The following RAB3GAP1 variants were observed in gnomAD, a reference collection of about 807,000 sequenced individuals.
The protein encoded by RAB3GAP1 is RAB3 GTPase activating protein catalytic subunit 1.
Under a neutral mutation model 130.7 loss-of-function variants are expected in RAB3GAP1, and 86 were observed. That is an observed-to-expected ratio of 0.66 (90% CI 0.55 to 0.79). The LOEUF is 0.79. Ranked by LOEUF, RAB3GAP1 falls within the 30% of genes least tolerant of loss-of-function variation. The pLI is 0.00. For synonymous variants in RAB3GAP1, 367 were observed against 401.7 expected (o/e 0.91, Z 1.03); for missense variants, 1,029 against 1,169.4 (o/e 0.88, Z 1.75).
At chr2:135,089,476 C>T (rs569757430) in intron 3 of RAB3GAP1, among the ~76,000 whole-genome samples, 1 of 150,930 alleles carries the variant, frequency 6.6e-6, no homozygotes, top group Non-Finnish European at 1.5e-5. Flanking sequence ...TTCCTTTGGG[C>T]AGTGTGGCCA....
intron 23 of RAB3GAP1, among the ~76,000 whole-genome samples, chr2:135,168,128 T>C (rs1692715616): frequency 6.6e-6 from 1 of 152,192 alleles, no homozygotes; most frequent in South Asian, 2.1e-4. Flanking sequence ...ATTAAAAAAT[T>C]CTTACCCAGA....
chr2:135,136,081 T>A (rs1691673537), intron 17 of RAB3GAP1, 149 bp downstream of exon 17: 1 of 1,060,356 alleles, frequency 9.4e-7, no homozygotes, highest in African/African-American at 1.6e-5. Context: ...ATCCCAGCAC[T>A]TTGGGAGGCT....
At chr2:135,077,671 C>T (rs1016896945) in intron 3 of RAB3GAP1, among the ~76,000 whole-genome samples, 4 of 152,200 alleles carry the variant, frequency 2.6e-5, no homozygotes, top group African/African-American at 7.2e-5. Context: ...TACATTCTCA[C>T]CAGCAATGCT....
At chr2:135,151,574 T>C (rs1047836190) in intron 18 of RAB3GAP1, among the ~76,000 whole-genome samples, 4 of 152,234 alleles carry the variant, frequency 2.6e-5, no homozygotes, top group Admixed American at 1.3e-4. Context: ...AAGAGCTATA[T>C]GTTTTCCTTG....
chr2:135,098,166 C>G (rs994671098), intron 5 of RAB3GAP1, among the ~76,000 whole-genome samples: 3 of 152,066 alleles, frequency 2.0e-5, no homozygotes, highest in African/African-American at 7.2e-5. Context: ...GTGTCCAAGT[C>G]TTTTGCACAT....
intron 7 of RAB3GAP1, among the ~76,000 whole-genome samples, chr2:135,117,573 T>TCTTCTG (rs1691034202): frequency 1.4e-5 from 1 of 70,386 alleles, no homozygotes; most frequent in Admixed American, 1.4e-4. Context: ...TTCTTCTGCT[T>TCTTCTG]CTTCTTCTGC....
intron 5 of RAB3GAP1, among the ~76,000 whole-genome samples, chr2:135,101,650 G>T (rs1415861543): frequency 6.6e-6 from 1 of 152,094 alleles, no homozygotes; most frequent in Admixed American, 6.5e-5. Context: ...GTTTAACTTT[G>T]TTAAGGGACT....
At chr2:135,055,353 A>G (rs554986392) in intron 2 of RAB3GAP1, among the ~76,000 whole-genome samples, 15 of 152,336 alleles carry the variant, frequency 9.8e-5, no homozygotes, top group African/African-American at 3.4e-4. Flanking sequence ...GCTAGTACTG[A>G]TAGAATTCAT....
intron 3 of RAB3GAP1, among the ~76,000 whole-genome samples, chr2:135,080,359 A>C (rs1048473647): frequency 6.6e-6 from 1 of 152,202 alleles, no homozygotes; most frequent in Non-Finnish European, 1.5e-5. Flanking sequence ...GATATACATA[A>C]ATGTGATACA....
chr2:135,171,912 T>G (rs912332267), downstream of RAB3GAP1, among the ~76,000 whole-genome samples: 3 of 152,134 alleles, frequency 2.0e-5, no homozygotes, highest in Admixed American at 2.0e-4. Context: ...AGACAGGGAT[T>G]GGCCAATGAA....
At chr2:135,078,647 C>G (rs541228873) in intron 3 of RAB3GAP1, among the ~76,000 whole-genome samples, 1 of 9,282 alleles carries the variant, frequency 1.1e-4, no homozygotes, top group African/African-American at 5.6e-4. Flanking sequence ...CTATATTAGT[C>G]CCCTCCCCTC....
intron 19 of RAB3GAP1, among the ~76,000 whole-genome samples, chr2:135,155,096 A>C (rs1338000093): frequency 2.0e-5 from 3 of 152,180 alleles, no homozygotes; most frequent in Admixed American, 6.5e-5. Flanking sequence ...ACTGAATCAG[A>C]TATCCTCAAA....
intron 17 of RAB3GAP1, among the ~76,000 whole-genome samples, chr2:135,144,380 G>A (rs974979892): frequency 1.3e-5 from 2 of 152,206 alleles, no homozygotes; most frequent in Non-Finnish European, 2.9e-5. Context: ...CTCAGAATGG[G>A]GAGTGCTTGC....
chr2:135,073,773 T>C (rs572676259), intron 3 of RAB3GAP1, among the ~76,000 whole-genome samples: 1 of 152,360 alleles, frequency 6.6e-6, no homozygotes, highest in East Asian at 1.9e-4. Context: ...AAAAGAAAAT[T>C]AGACATTTCT....
At chr2:135,150,290 G>A in intron 17 of RAB3GAP1, 79 bp from the exon 18 acceptor site, 1 of 1,549,890 alleles carries the variant, frequency 6.5e-7, no homozygotes, top group South Asian at 1.1e-5. Context: ...TGAAATGACT[G>A]TTGTCTTTAT....
At position 135,052,616 on chromosome 2, in the gene RAB3GAP1, C is replaced by T. The variant is rs187406353; in HGVS notation, c.74+131C>T. 1.2e-4 allele frequency: 124 copies of T among 1,047,704 alleles called. No individual in the cohort carries two copies. The African/African-American group carries it at 1.7e-3, about 14-fold the overall frequency. The allele number at this position is 1,047,704 out of a possible 1,614,324, so 64.9% of individuals were successfully genotyped here. A position where few individuals can be genotyped will look rare whatever the true frequency, so the allele number is the denominator to read the frequency against. On this transcript the variant is annotated intron_variant, in intron 2 of 23. Transcript: ENST00000264158. The stretch of plus-strand genomic sequence containing the variant: ...GGTAATACCGTGGGTCCCGGGTCTC[C>T]TCCCCCAGTCTTCTTTGGTCAACCG...
chr2:135,065,937 A>AT (rs1217811024), intron 3 of RAB3GAP1, among the ~76,000 whole-genome samples: 6 of 150,648 alleles, frequency 4.0e-5, no homozygotes, highest in Middle Eastern at 3.4e-3. Flanking sequence ...TGCCCAGCTA[A>AT]TTTTTTTTTG....
chr2:135,087,059 T>C (rs1430070589), intron 3 of RAB3GAP1, among the ~76,000 whole-genome samples: 1 of 152,246 alleles, frequency 6.6e-6, no homozygotes, highest in Non-Finnish European at 1.5e-5. Flanking sequence ...TAGTGCTTTT[T>C]GTGTCTGGTC....
chr2:135,149,600 C>T (rs1227206320), intron 17 of RAB3GAP1, among the ~76,000 whole-genome samples: 1 of 152,110 alleles, frequency 6.6e-6, no homozygotes, highest in East Asian at 1.9e-4. Context: ...GATGCATGTT[C>T]ATTGTAGAGA....
Sources: gnomAD v4.1 joint callset for allele counts (sites outside exome capture counted in the v4.1 genomes callset) on GRCh38, gnomAD v4.1.1 for gene constraint, MANE v1.5 for transcripts, NCBI Gene and HGNC (gene_info 2026-07-23, HGNC 2026-07-21) for gene names.